Variants in KMT2E observed in about 807,000 individuals in gnomAD.
KMT2E encodes lysine methyltransferase 2E (inactive).
In KMT2E, 30 loss-of-function variants were observed where a neutral mutation model predicts 184.6. That is an observed-to-expected ratio of 0.16 (90% confidence interval 0.12 to 0.22). The LOEUF (loss-of-function observed/expected upper bound fraction) is 0.22, where lower values mean the gene tolerates loss of function less well. Ranked by LOEUF, KMT2E falls within the 10% of genes least tolerant of loss-of-function variation. The pLI, the probability that KMT2E is intolerant of heterozygous loss-of-function variation, is 1.00. For synonymous variants in KMT2E, 815 were observed against 776.5 expected, an observed-to-expected ratio of 1.05 and a Z score of -0.82; for missense variants, 2,023 against 2,237.4, an observed-to-expected ratio of 0.90 and a Z score of 1.93.
Position 105,044,987 on chromosome 7 carries a change from G to A in KMT2E, c.71+3964G>A, listed in dbSNP as rs143061497. On this transcript the variant is annotated intron_variant, in intron 3 of 26. Transcript: ENST00000311117. ...CCAGTATCACCTGAAGGGGTCAAAGGTAGGGCCTGGGTGACTCATTTGGAT... is the reference window on the plus strand; with the variant it reads ...CCAGTATCACCTGAAGGGGTCAAAGATAGGGCCTGGGTGACTCATTTGGAT... Among the ~76,000 whole-genome samples the A allele has an allele frequency of 5.3e-5, 8 of 152,302 alleles. No individual in the cohort carries two copies. The East Asian group carries it at 1.5e-3, about 29-fold the overall frequency.
At chr7:105,059,538 G>A (rs1796706226) in intron 3 of KMT2E, among the ~76,000 whole-genome samples, 1 of 152,106 alleles carries the variant, frequency 6.6e-6, no homozygotes, top group Non-Finnish European at 1.5e-5. Context: ...AAGATAAATG[G>A]ATGTACATTT....
In KMT2E at chr7:105,111,873, T is replaced by C. The variant is rs774262072; in HGVS notation, c.4117T>C (p.Phe1373Leu). 6.9e-5 allele frequency: 111 copies of C among 1,613,938 alleles called. No homozygotes were observed. The highest frequency in any genetic ancestry group is 9.2e-5 in the Non-Finnish European group (108 of 1,179,996). ...VIPAQAHGKI[F>L]TKPDPQWDST... Reference sequence around the variant, plus strand: ...TCCTGCTCAAGCACACGGGAAAATATTCACAAAACCAGATCCCCAATGGGA... The same window carrying C: ...TCCTGCTCAAGCACACGGGAAAATACTCACAAAACCAGATCCCCAATGGGA... Residue 1373 changes from phenylalanine (F) to leucine (L), a missense_variant, in exon 27 of 27, where the codon TTC (phenylalanine) becomes CTC (leucine). Phe to Leu is a conservative substitution (Grantham distance 22). Coordinates refer to ENST00000311117, the MANE Select transcript of KMT2E (RefSeq NM_182931.3).
chr7:105,062,438 A>G (rs1796857284), intron 4 of KMT2E, among the ~76,000 whole-genome samples, 160 bp downstream of exon 4: 1 of 152,210 alleles, frequency 6.6e-6, no homozygotes, highest in African/African-American at 2.4e-5. Flanking sequence ...TTAAGCGATT[A>G]AAGTTCTATA....
At chr7:105,073,327 G>A (rs1327598043) in intron 6 of KMT2E, among the ~76,000 whole-genome samples, 1 of 151,306 alleles carries the variant, frequency 6.6e-6, no homozygotes, top group East Asian at 1.9e-4. Flanking sequence ...AACCTGGAAG[G>A]TTGAGGCTGC....
intron 13 of KMT2E, among the ~76,000 whole-genome samples, chr7:105,087,173 AAT>A (rs959227223): frequency 1.4e-5 from 2 of 146,976 alleles, no homozygotes; most frequent in Non-Finnish European, 3.0e-5. Flanking sequence ...TATATAATAA[AAT>A]ATATATTAGC....
At chr7:105,035,924 A>G (rs1244129949) in intron 1 of KMT2E, among the ~76,000 whole-genome samples, 1 of 152,188 alleles carries the variant, frequency 6.6e-6, no homozygotes, top group East Asian at 1.9e-4. Flanking sequence ...ATGCATTGTT[A>G]CAGATTAAAT....
intron 1 of KMT2E, among the ~76,000 whole-genome samples, chr7:105,024,710 T>G (rs1485942060): frequency 6.6e-6 from 1 of 152,222 alleles, no homozygotes; most frequent in Non-Finnish European, 1.5e-5. Context: ...GGTCGTAAAG[T>G]TACATAGTGG....
intron 15 of KMT2E, 53 bp from the exon 16 acceptor site, chr7:105,101,372 T>G (rs1259503799): frequency 7.1e-6 from 9 of 1,265,394 alleles, no homozygotes; most frequent in Non-Finnish European, 9.5e-6. Flanking sequence ...TGGACTTAAT[T>G]TTACTTTTGA....
intron 15 of KMT2E, among the ~76,000 whole-genome samples, chr7:105,093,228 C>T (rs1438294893): frequency 1.3e-5 from 2 of 151,958 alleles, no homozygotes; most frequent in Admixed American, 6.6e-5. Context: ...AAACAGAAAA[C>T]CAGTGGGGGT....
chr7:105,052,362 G>A (rs768924820), intron 3 of KMT2E, among the ~76,000 whole-genome samples: 10 of 151,976 alleles, frequency 6.6e-5, no homozygotes, highest in Non-Finnish European at 1.5e-4. Context: ...ATCTAAAATA[G>A]TATCTGAAAT....
At chr7:105,060,277 A>G (rs1049735715) in intron 3 of KMT2E, among the ~76,000 whole-genome samples, 9 of 151,904 alleles carry the variant, frequency 5.9e-5, no homozygotes, top group Non-Finnish European at 8.8e-5. Context: ...ACAGGTGAAT[A>G]TTGGTTTTCA....
intron 6 of KMT2E, among the ~76,000 whole-genome samples, chr7:105,067,344 CT>C (rs1346375121): frequency 6.6e-6 from 1 of 151,858 alleles, no homozygotes; most frequent in Non-Finnish European, 1.5e-5. Context: ...TGAATACTCC[CT>C]TAGTTAAAGA....
chr7:105,107,453 G>A lies in KMT2E; in HGVS notation c.2996G>A (p.Gly999Asp). 6.2e-7 allele frequency: 1 copy of A among 1,613,890 alleles called. No individual in the cohort carries two copies. The highest frequency in any genetic ancestry group is 8.5e-7 in the Non-Finnish European group (1 of 1,179,914). The change falls in exon 22 of 27, where the codon GGT becomes GAT. Residue 999 changes from glycine to aspartate, a missense_variant. Physicochemically the swap from Gly to Asp is moderately conservative, Grantham distance 94. Coordinates refer to ENST00000311117, the MANE Select transcript of KMT2E (RefSeq NM_182931.3). ...ELGLQEIKTI[G>D]YTSPRSRTEV... Reference sequence around the variant, plus strand: ...GGTCTGCAAGAAATAAAGACTATTGGTTATACGAGCCCTAGGAGTAGGACT... The same window carrying A: ...GGTCTGCAAGAAATAAAGACTATTGATTATACGAGCCCTAGGAGTAGGACT...
At position 105,112,545 on chromosome 7, in the gene KMT2E, C is replaced by A; in HGVS notation, c.4789C>A (p.Gln1597Lys). Reference sequence around the variant, plus strand: ...AGCACTTCCTGGCACCACAAGCCAGCAAACAGTTCCAGGACACCACGTGAC... The same window carrying A: ...AGCACTTCCTGGCACCACAAGCCAGAAAACAGTTCCAGGACACCACGTGAC... ...NQALPGTTSQ[Q>K]TVPGHHVTPG... Residue 1597 changes from glutamine (Q) to lysine (K), a missense_variant, in exon 27 of 27, where the codon CAA becomes AAA. This residue lies in a region of KMT2E where 1,108 missense variants were observed against 1,050.9 expected (regional missense o/e 1.05). Coordinates refer to ENST00000311117, the MANE Select transcript of KMT2E (RefSeq NM_182931.3). 6.2e-7 allele frequency: 1 copy of A among 1,614,098 alleles called. No individual in the cohort carries two copies. The highest frequency in any genetic ancestry group is 8.5e-7 in the Non-Finnish European group (1 of 1,180,020).
chr7:105,060,110 C>T (rs1015400577), intron 3 of KMT2E, among the ~76,000 whole-genome samples: 5 of 148,588 alleles, frequency 3.4e-5, no homozygotes, highest in African/African-American at 9.9e-5. Context: ...ATTCTCCTGC[C>T]TCAGCCCCCA....
intron 8 of KMT2E, 70 bp downstream of exon 8, chr7:105,074,885 C>T: frequency 8.8e-7 from 1 of 1,139,530 alleles, no homozygotes; most frequent in Non-Finnish European, 1.2e-6. Context: ...ATAGGAGAGG[C>T]AGGAGAGTGA....
intron 19 of KMT2E, 45 bp from the exon 20 acceptor site, chr7:105,106,477 A>G: frequency 6.6e-7 from 1 of 1,517,922 alleles, no homozygotes; most frequent in Non-Finnish European, 9.1e-7. Context: ...GATTTTAACA[A>G]ATAGCAACAG....
chr7:105,092,236 CA>C lies in KMT2E; in HGVS notation c.1722+926del, dbSNP rs533876027. On this transcript the variant is annotated intron_variant, in intron 15 of 26. Transcript: ENST00000311117. ...TTCAAGACCAGCCTGGTCAACATGG[CA>C]AAACCACGTCTCTACTAAAAATACA... Among the ~76,000 whole-genome samples the C allele has an allele frequency of 6.8e-4, 103 of 152,176 alleles. 1 individual carries two copies. Among genetic ancestry groups the C allele is most frequent in the Admixed American group, 5.6e-3 (85 of 15,296 alleles).
In KMT2E at chr7:105,076,774, T is replaced by C. The variant is rs1300313645; in HGVS notation, c.769-189T>C. ...GGAGCATGTTACAGTGTATCTTTTG[T>C]CCCTGTGGTATTTATTATTCCACAT... On this transcript the variant is annotated intron_variant, in intron 9 of 26. Transcript: ENST00000311117. Among the ~76,000 whole-genome samples, 3 of 152,166 alleles carry C rather than the reference T, an allele frequency of 2.0e-5. No individual in the cohort carries two copies. In the East Asian group the frequency reaches 5.8e-4, roughly 29 times the overall value.
Sources: allele counts gnomAD v4.1 joint callset (sites outside exome capture counted in the v4.1 genomes callset), GRCh38; gene constraint gnomAD v4.1.1; regional missense constraint gnomAD v4.1.1; transcripts MANE v1.5; gene names NCBI Gene and HGNC (gene_info 2026-07-23, HGNC 2026-07-21).